LRBA: variants seen among roughly 807,000 people sequenced by gnomAD.
LRBA encodes LPS responsive beige-like anchor protein, also known as lipopolysaccharide-responsive and beige-like anchor protein.
Under a neutral mutation model 330.0 loss-of-function variants are expected in LRBA, and 176 were observed. That is an observed-to-expected ratio of 0.53 (90% CI 0.47 to 0.60). LRBA has a LOEUF of 0.60. Ranked by LOEUF, LRBA falls within the 20% of genes least tolerant of loss-of-function variation. The probability of loss-of-function intolerance (pLI) is 0.00; values close to 1 mark genes in which losing one functional copy is unlikely to be tolerated. For synonymous variants in LRBA, 1,230 were observed against 1,193.0 expected (o/e 1.03, Z -0.64); for missense variants, 3,259 against 3,444.8 (o/e 0.95, Z 1.35).
chr4:150,553,176 A>G (rs189841074), intron 40 of LRBA, among the ~76,000 whole-genome samples: 1 of 152,308 alleles, frequency 6.6e-6, no homozygotes, highest in East Asian at 1.9e-4. Context: ...AGGGACATGG[A>G]TGAAGCTGGA....
At chr4:150,425,629 G>C (rs1409951590) in intron 46 of LRBA, among the ~76,000 whole-genome samples, 4 of 152,064 alleles carry the variant, frequency 2.6e-5, no homozygotes, top group Non-Finnish European at 4.4e-5. Flanking sequence ...AACAACCTTT[G>C]CAGCCAGGCT....
At chr4:150,295,794 G>C (rs987135627) in intron 53 of LRBA, among the ~76,000 whole-genome samples, 1 of 152,146 alleles carries the variant, frequency 6.6e-6, no homozygotes, top group Non-Finnish European at 1.5e-5. Flanking sequence ...CAAATTTATA[G>C]TATCTTTGTT....
At chr4:150,532,904 A>AG (rs1408268129) in intron 40 of LRBA, among the ~76,000 whole-genome samples, 2 of 152,166 alleles carry the variant, frequency 1.3e-5, no homozygotes, top group Non-Finnish European at 2.9e-5. Context: ...AAATACTGAG[A>AG]GGAAAAAAAC....
chr4:150,491,965 T>C (rs112714773), intron 40 of LRBA, among the ~76,000 whole-genome samples: 1,543 of 152,144 alleles, frequency 0.01, 24 homozygotes, highest in African/African-American at 0.035. Context: ...TTAAGAAATA[T>C]ATCTCAAAAG....
chr4:150,916,172 A>G (rs1455623240), intron 7 of LRBA, among the ~76,000 whole-genome samples: 1 of 152,230 alleles, frequency 6.6e-6, no homozygotes, highest in Non-Finnish European at 1.5e-5. Flanking sequence ...TAAATGCCGT[A>G]GATATTTCCT....
chr4:150,423,379 C>T, intron 46 of LRBA: 1 of 650,048 alleles, frequency 1.5e-6, no homozygotes, highest in Non-Finnish European at 2.8e-6. Context: ...TGCTCCCGGG[C>T]CTGCTTTGAG....
intron 37 of LRBA, among the ~76,000 whole-genome samples, chr4:150,641,192 G>A (rs1051715971): frequency 3.3e-5 from 5 of 151,882 alleles, no homozygotes; most frequent in African/African-American, 9.7e-5. Flanking sequence ...TACACATTTC[G>A]CAGTAATATA....
chr4:150,652,600 T>A (rs78453863), intron 37 of LRBA, among the ~76,000 whole-genome samples: 1 of 152,152 alleles, frequency 6.6e-6, no homozygotes. Flanking sequence ...ACAGATAAAA[T>A]TAATTCTAAT....
At chr4:150,680,467 T>G (rs1782957298) in intron 37 of LRBA, among the ~76,000 whole-genome samples, 1 of 152,212 alleles carries the variant, frequency 6.6e-6, no homozygotes, top group South Asian at 2.1e-4. Flanking sequence ...ATGCCTGCTG[T>G]GAGGAAACAA....
chr4:150,675,629 A>C (rs1480427586), intron 37 of LRBA, among the ~76,000 whole-genome samples: 1 of 152,048 alleles, frequency 6.6e-6, no homozygotes, highest in Non-Finnish European at 1.5e-5. Context: ...GAGGCAGGAG[A>C]ACTGCCTGAA....
chr4:150,568,379 G>C (rs934725843), intron 40 of LRBA, among the ~76,000 whole-genome samples: 1 of 151,938 alleles, frequency 6.6e-6, no homozygotes, highest in South Asian at 2.1e-4. Flanking sequence ...ACCTGCCAAG[G>C]GAACTAGAAT....
intron 2 of LRBA, among the ~76,000 whole-genome samples, chr4:150,929,716 A>T (rs571164091): frequency 5.9e-5 from 9 of 152,208 alleles, no homozygotes; most frequent in Non-Finnish European, 8.8e-5. Context: ...AAGGTTCGTA[A>T]ATTTTAAATA....
chr4:150,282,594 C>T lies in LRBA; in HGVS notation c.8172G>A (p.Glu2724=), dbSNP rs1369055915. ...SMNGDLLRTL[E]GPENCLKPKL... ...TTGGTTTCAGGCAGTTTTCAGGACC[C>T]TCCAAGGTCCTCAACAAGTCTCCAT... is the stretch of plus-strand genomic sequence containing the variant. The change falls in exon 55 of 57, where the codon GAG becomes GAA. Residue 2724 remains glutamate (E), a synonymous_variant. Transcript: ENST00000651943. 1 of 1,613,984 alleles carries T rather than the reference C, an allele frequency of 6.2e-7. No individual in the cohort carries two copies. The highest frequency in any genetic ancestry group is 8.5e-7 in the Non-Finnish European group (1 of 1,179,880).
chr4:150,266,250 C>T (rs1745313593), intron 56 of LRBA, among the ~76,000 whole-genome samples: 1 of 152,204 alleles, frequency 6.6e-6, no homozygotes, highest in South Asian at 2.1e-4. Flanking sequence ...TGACAAGAGA[C>T]ACCACCTCTG....
At chr4:150,915,534 A>G in intron 8 of LRBA, 74 bp downstream of exon 8, 2 of 1,362,098 alleles carry the variant, frequency 1.5e-6, no homozygotes, top group Non-Finnish European at 2.0e-6. Context: ...TTCAAGTTGT[A>G]AAACTTTTTC....
At position 150,520,312 on chromosome 4, in the gene LRBA, T is replaced by C. The variant is rs188491969; in HGVS notation, c.6331-29277A>G. 1.3e-3 allele frequency among the ~76,000 whole-genome samples: 196 copies of C among 152,266 alleles called. 2 individuals are homozygous for C. The highest frequency in any genetic ancestry group is 0.013 in the Admixed American group (196 of 15,290). ...ATTGAGTTGAATTGATAGATAAATTTGGGGAGAAATGACATCTTTATAATA... is the reference window on the plus strand; with the variant it reads ...ATTGAGTTGAATTGATAGATAAATTCGGGGAGAAATGACATCTTTATAATA... On this transcript the variant is annotated intron_variant, in intron 40 of 56. Transcript: ENST00000651943.
At chr4:150,630,969 C>G (rs1364034411) in intron 37 of LRBA, among the ~76,000 whole-genome samples, 1 of 151,924 alleles carries the variant, frequency 6.6e-6, no homozygotes, top group East Asian at 1.9e-4. Flanking sequence ...AGTGTCATAA[C>G]CTAGTGTGTC....
At chr4:150,810,828 T>C (rs1578858775) in intron 31 of LRBA, among the ~76,000 whole-genome samples, 1 of 152,156 alleles carries the variant, frequency 6.6e-6, no homozygotes, top group Non-Finnish European at 1.5e-5. Flanking sequence ...TCTCGAACTC[T>C]TGGTCTCAAG....
chr4:150,521,107 TTC>T (rs1762877416), intron 40 of LRBA, among the ~76,000 whole-genome samples: 1 of 152,194 alleles, frequency 6.6e-6, no homozygotes, highest in South Asian at 2.1e-4. Flanking sequence ...AGTTCATACC[TTC>T]TCTGTTTTTT....
Sources: gnomAD v4.1 joint callset for allele counts (sites outside exome capture counted in the v4.1 genomes callset) on GRCh38, gnomAD v4.1.1 for gene constraint, MANE v1.5 for transcripts, NCBI Gene and HGNC (gene_info 2026-07-23, HGNC 2026-07-21) for gene names.